Variants in ITGA2 observed in about 807,000 individuals in gnomAD.
ITGA2 encodes the protein integrin subunit alpha 2, also known as integrin alpha-2.
In ITGA2, 101 loss-of-function variants were observed where a neutral mutation model predicts 146.3. The observed-to-expected ratio is 0.69, with a 90% confidence interval of 0.59 to 0.81. ITGA2 has a LOEUF of 0.81. ITGA2 is among the 40% of genes least tolerant of loss of function. ITGA2 has a pLI of 0.00. For synonymous variants in ITGA2, 477 were observed against 487.1 expected (o/e 0.98, Z 0.27); for missense variants, 1,281 against 1,402.7 (o/e 0.91, Z 1.39).
intron 1 of ITGA2, among the ~76,000 whole-genome samples, chr5:53,005,764 T>A (rs1311403868): frequency 6.6e-6 from 1 of 152,100 alleles, no homozygotes; most frequent in South Asian, 2.1e-4. Flanking sequence ...CTGACCACAA[T>A]GAGGTAAACA....
At chr5:53,028,479 A>G (rs1009797684) in intron 2 of ITGA2, among the ~76,000 whole-genome samples, 2 of 152,216 alleles carry the variant, frequency 1.3e-5, no homozygotes, top group Non-Finnish European at 2.9e-5. Context: ...ATGTCTAACA[A>G]TTATCAAATG....
chr5:53,064,771 C>A (rs1579876691), intron 13 of ITGA2, 141 bp from the exon 14 acceptor site: 2 of 782,276 alleles, frequency 2.6e-6, no homozygotes, highest in East Asian at 5.1e-5. Flanking sequence ...TCTCAAATAC[C>A]TGGCTTCAAG....
intron 20 of ITGA2, 53 bp from the exon 21 acceptor site, chr5:53,074,332 C>T: frequency 7.0e-7 from 1 of 1,438,772 alleles, no homozygotes; most frequent in Middle Eastern, 1.8e-4. Flanking sequence ...CGTGCATACA[C>T]ACACAAATGT....
chr5:53,000,789 CTTATCTTAGCTAGACG>C (rs1741536520), intron 1 of ITGA2, among the ~76,000 whole-genome samples: 1 of 150,670 alleles, frequency 6.6e-6, no homozygotes, highest in South Asian at 2.1e-4. Flanking sequence ...CTGGTGCCTG[CTTATCTTAGCTAGACG>C]TTATATTAGA....
chr5:53,002,201 T>G (rs1255244875), intron 1 of ITGA2, among the ~76,000 whole-genome samples: 1 of 152,074 alleles, frequency 6.6e-6, no homozygotes, highest in Non-Finnish European at 1.5e-5. Context: ...GTATAAAACA[T>G]TTTTGACCAA....
rs770557077 is a variant in ITGA2 at position 53,042,101 on chromosome 5, T to C, written c.186-11T>C. 2.6e-6 allele frequency: 4 copies of C among 1,527,766 alleles called. No individual in the cohort carries two copies. Among genetic ancestry groups the C allele is most frequent in the East Asian group, 4.5e-5 (2 of 44,462 alleles). The allele number at this position is 1,527,766 out of a possible 1,614,324, so 94.6% of individuals were successfully genotyped here. On this transcript the variant is annotated splice_polypyrimidine_tract_variant and intron_variant, in intron 2 of 29. Coordinates refer to ENST00000296585, the MANE Select transcript of ITGA2 (RefSeq NM_002203.4). Reference sequence around the variant, plus strand: ...AACACTTTGTGTCTAATAAAAAAAATGTGTTTCTAGGTTACTGGTTGGTTC... The same window carrying C: ...AACACTTTGTGTCTAATAAAAAAAACGTGTTTCTAGGTTACTGGTTGGTTC...
chr5:52,989,799 T>C (rs1234479898), intron 1 of ITGA2, among the ~76,000 whole-genome samples: 1 of 141,778 alleles, frequency 7.1e-6, no homozygotes, highest in Non-Finnish European at 1.6e-5. Flanking sequence ...AGTGCTTTGT[T>C]TTAGGTACAC....
chr5:53,059,426 G>A (rs1744800315), intron 10 of ITGA2, among the ~76,000 whole-genome samples: 1 of 151,970 alleles, frequency 6.6e-6, no homozygotes, highest in Non-Finnish European at 1.5e-5. Flanking sequence ...TGGGATAGCA[G>A]AAGTATCTCC....
chr5:53,057,958 G>A, intron 9 of ITGA2, 67 bp from the exon 10 acceptor site: 1 of 1,160,148 alleles, frequency 8.6e-7, no homozygotes, highest in South Asian at 1.2e-5. Context: ...ATACGTGCCT[G>A]CTTGTGTTTG....
At chr5:53,078,265 G>T (rs1390387824) in intron 23 of ITGA2, among the ~76,000 whole-genome samples, 2 of 152,092 alleles carry the variant, frequency 1.3e-5, no homozygotes, top group African/African-American at 4.8e-5. Context: ...AAATTGGTTT[G>T]CAACTAAAGA....
intron 4 of ITGA2, among the ~76,000 whole-genome samples, chr5:53,045,590 T>A (rs1297963272): frequency 6.6e-6 from 1 of 152,194 alleles, no homozygotes; most frequent in African/African-American, 2.4e-5. Flanking sequence ...TAGAATGCCT[T>A]ATTTAACAAG....
chr5:53,055,913 T>C, intron 8 of ITGA2, 71 bp from the exon 9 acceptor site: 1 of 1,437,286 alleles, frequency 7.0e-7, no homozygotes, highest in Non-Finnish European at 9.7e-7. Flanking sequence ...GTGTTCAAAA[T>C]AGGCTAGAAT....
intron 7 of ITGA2, among the ~76,000 whole-genome samples, chr5:53,052,385 A>G (rs1744414559): frequency 6.6e-6 from 1 of 152,088 alleles, no homozygotes; most frequent in African/African-American, 2.4e-5. Flanking sequence ...GCTGAGAATG[A>G]TGGTTTCCAG....
intron 1 of ITGA2, among the ~76,000 whole-genome samples, chr5:52,990,599 A>C (rs539536917): frequency 2.0e-5 from 3 of 150,784 alleles, no homozygotes; most frequent in Non-Finnish European, 4.4e-5. Context: ...AAAGAAGATA[A>C]ATATTTCCTA....
At chr5:53,046,348 AT>A (rs1744088291) in intron 4 of ITGA2, among the ~76,000 whole-genome samples, 1 of 151,934 alleles carries the variant, frequency 6.6e-6, no homozygotes, top group South Asian at 2.1e-4. Flanking sequence ...ACGTCATTCT[AT>A]TTTTACTAAT....
intron 29 of ITGA2, 48 bp downstream of exon 29, chr5:53,090,110 C>A: frequency 9.3e-7 from 1 of 1,080,390 alleles, no homozygotes; most frequent in South Asian, 1.2e-5. Flanking sequence ...GAAGGCCAGC[C>A]TTGAATTTGC....
At chr5:53,085,989 A>T (rs888916073) in intron 27 of ITGA2, among the ~76,000 whole-genome samples, 1 of 152,098 alleles carries the variant, frequency 6.6e-6, no homozygotes, top group African/African-American at 2.4e-5. Context: ...GCTCACTGCA[A>T]CCTGTGCCTC....
intron 6 of ITGA2, among the ~76,000 whole-genome samples, chr5:53,049,451 C>T (rs1386165027): frequency 6.6e-6 from 1 of 152,124 alleles, no homozygotes; most frequent in African/African-American, 2.4e-5. Context: ...GCTGGTAAAA[C>T]AATTATTGAA....
chr5:53,078,697 TTAAA>T (rs3212605), intron 23 of ITGA2, 71 bp from the exon 24 acceptor site: 58,352 of 860,698 alleles, frequency 0.068, 2,244 homozygotes, highest in Non-Finnish European at 0.078. Flanking sequence ...TATAAGATAC[TTAAA>T]TAAAAGAAAT....
Sources: gnomAD v4.1 joint callset for allele counts (sites outside exome capture counted in the v4.1 genomes callset) on GRCh38, gnomAD v4.1.1 for gene constraint, MANE v1.5 for transcripts, NCBI Gene and HGNC (gene_info 2026-07-23, HGNC 2026-07-21) for gene names.